ACER2: variants seen among roughly 807,000 people sequenced by gnomAD.
ACER2 encodes the protein alkaline ceramidase 2.
ACER2 carries 26 observed loss-of-function variants against 34.7 expected under a neutral mutation model. The ratio of observed to expected loss-of-function variants is 0.75; its 90% CI spans 0.55 to 1.04. The LOEUF (loss-of-function observed/expected upper bound fraction) is 1.04, where lower values mean the gene tolerates loss of function less well. Ranked by LOEUF, ACER2 falls within the 50% of genes least tolerant of loss-of-function variation. The probability of loss-of-function intolerance (pLI) is 0.00; values close to 1 mark genes in which losing one functional copy is unlikely to be tolerated. For synonymous variants in ACER2, 138 were observed against 132.1 expected (o/e 1.04, Z -0.31); for missense variants, 352 against 340.8 (o/e 1.03, Z -0.26).
chr9:19,426,360 C>T (rs1170717204), intron 3 of ACER2, among the ~76,000 whole-genome samples: 4 of 65,128 alleles, frequency 6.1e-5, no homozygotes, highest in East Asian at 6.5e-4. Context: ...CCCTCTCTTT[C>T]TCTCTCTCTC....
At chr9:19,409,318 TCA>T in intron 1 of ACER2, 126 bp downstream of exon 1, 1 of 871,210 alleles carries the variant, frequency 1.1e-6, no homozygotes, top group Non-Finnish European at 1.8e-6. Flanking sequence ...AGGGGCTGAG[TCA>T]GTCCACACCC....
chr9:19,437,588 G>A (rs541035759), intron 4 of ACER2, among the ~76,000 whole-genome samples: 3 of 152,172 alleles, frequency 2.0e-5, no homozygotes, highest in African/African-American at 7.2e-5. Context: ...GCGCCTCGTT[G>A]TCTAAGCTTC....
chr9:19,424,107 C>G, intron 2 of ACER2, 131 bp downstream of exon 2: 8 of 888,120 alleles, frequency 9.0e-6, no homozygotes, highest in South Asian at 1.6e-5. Context: ...TCTTAGCAAA[C>G]TTTTTTTTCC....
intron 1 of ACER2, among the ~76,000 whole-genome samples, chr9:19,416,171 C>T (rs575670099): frequency 6.6e-6 from 1 of 152,012 alleles, no homozygotes; most frequent in Non-Finnish European, 1.5e-5. Flanking sequence ...TCTTCACTCC[C>T]TTGATCCGCC....
At chr9:19,425,060 G>C (rs1005635101) in intron 3 of ACER2, among the ~76,000 whole-genome samples, 4 of 152,126 alleles carry the variant, frequency 2.6e-5, no homozygotes, top group Admixed American at 2.6e-4. Context: ...TCACCTCTCT[G>C]TACCCAAAGT....
At chr9:19,431,962 A>G (rs966089013) in intron 3 of ACER2, among the ~76,000 whole-genome samples, 3 of 152,360 alleles carry the variant, frequency 2.0e-5, no homozygotes, top group South Asian at 4.1e-4. Flanking sequence ...GAATAACAGA[A>G]ACTTCAGGAA....
intron 1 of ACER2, 77 bp from the exon 2 acceptor site, chr9:19,423,785 T>C: frequency 9.6e-7 from 1 of 1,045,716 alleles, no homozygotes; most frequent in Non-Finnish European, 1.5e-6. Context: ...TGCAAGGACA[T>C]ACTTGGAAGA....
intron 1 of ACER2, among the ~76,000 whole-genome samples, chr9:19,417,130 C>A (rs1003272788): frequency 6.6e-6 from 1 of 152,046 alleles, no homozygotes; most frequent in African/African-American, 2.4e-5. Flanking sequence ...ACAATTGCTA[C>A]AAAGAGAATA....
At chr9:19,409,308 A>G in intron 1 of ACER2, 116 bp downstream of exon 1, 3 of 1,001,426 alleles carry the variant, frequency 3.0e-6, no homozygotes, top group South Asian at 1.5e-5. Flanking sequence ...CATTCTCTCC[A>G]GGGGCTGAGT....
At chr9:19,436,084 T>C (rs1018483783) in intron 4 of ACER2, among the ~76,000 whole-genome samples, 2 of 140,078 alleles carry the variant, frequency 1.4e-5, no homozygotes, top group African/African-American at 5.1e-5. Flanking sequence ...AAAGCCCTTC[T>C]TTTTTTTTTT....
chr9:19,441,828 C>G (rs1255236335), intron 4 of ACER2, among the ~76,000 whole-genome samples: 1 of 152,164 alleles, frequency 6.6e-6, no homozygotes, highest in Non-Finnish European at 1.5e-5. Context: ...GATAAAATAC[C>G]CAGACAAAAG....
At chr9:19,414,923 A>G (rs1012837046) in intron 1 of ACER2, among the ~76,000 whole-genome samples, 1 of 151,368 alleles carries the variant, frequency 6.6e-6, no homozygotes, top group Non-Finnish European at 1.5e-5. Flanking sequence ...TGAGGGATAC[A>G]TCTCAGTAGA....
intron 1 of ACER2, among the ~76,000 whole-genome samples, chr9:19,423,280 G>C (rs904038467): frequency 3.9e-5 from 6 of 152,170 alleles, no homozygotes; most frequent in Admixed American, 6.5e-5. Context: ...TAAGAGAGGA[G>C]CTTGGGCAGC....
chr9:19,419,780 A>G (rs764524688), intron 1 of ACER2, among the ~76,000 whole-genome samples: 4 of 152,136 alleles, frequency 2.6e-5, no homozygotes, highest in Non-Finnish European at 5.9e-5. Context: ...ACAAAGCAAA[A>G]CAAAAACAAA....
At chr9:19,430,885 G>C (rs2132494354) in intron 3 of ACER2, among the ~76,000 whole-genome samples, 1 of 152,146 alleles carries the variant, frequency 6.6e-6, no homozygotes, top group African/African-American at 2.4e-5. Context: ...TTGAACCCAG[G>C]AGGCAGAGGT....
intron 3 of ACER2, among the ~76,000 whole-genome samples, chr9:19,429,394 C>G (rs1420938806): frequency 6.6e-6 from 1 of 152,042 alleles, no homozygotes; most frequent in Non-Finnish European, 1.5e-5. Context: ...TGCAGTGGCA[C>G]AGTCATGGCT....
intron 5 of ACER2, among the ~76,000 whole-genome samples, chr9:19,447,936 A>G (rs1246567571): frequency 6.6e-6 from 1 of 151,720 alleles, no homozygotes; most frequent in African/African-American, 2.4e-5. Flanking sequence ...TTTTATATGT[A>G]CACACACACG....
At chr9:19,411,820 C>T (rs1830095196) in intron 1 of ACER2, among the ~76,000 whole-genome samples, 1 of 152,186 alleles carries the variant, frequency 6.6e-6, no homozygotes, top group Admixed American at 6.5e-5. Flanking sequence ...GGTAGCACAT[C>T]ACTACTACAC....
chr9:19,422,796 C>G (rs960414176), intron 1 of ACER2, among the ~76,000 whole-genome samples: 1 of 151,912 alleles, frequency 6.6e-6, no homozygotes, highest in East Asian at 1.9e-4. Context: ...TTTGGGAGGC[C>G]TGAGACGAGT....
Sources: gnomAD v4.1 joint callset for allele counts (sites outside exome capture counted in the v4.1 genomes callset) on GRCh38, gnomAD v4.1.1 for gene constraint, MANE v1.5 for transcripts, NCBI Gene and HGNC (gene_info 2026-07-23, HGNC 2026-07-21) for gene names.